MAN2C1: variants seen among roughly 807,000 people sequenced by gnomAD.
MAN2C1 encodes the protein alpha-mannosidase 2C1.
In MAN2C1, 111 loss-of-function variants were observed where a neutral mutation model predicts 126.9. The observed-to-expected ratio is 0.87, with a 90% CI of 0.75 to 1.02. The LOEUF (loss-of-function observed/expected upper bound fraction) is 1.02, where lower values mean the gene tolerates loss of function less well. Among genes scored for constraint, MAN2C1 ranks in the 50% least tolerant of loss-of-function variants. MAN2C1 has a pLI of 0.00. For missense variants in MAN2C1, 1,363 were observed against 1,364.4 expected (o/e 1.00, Z 0.02); for synonymous variants, 567 against 561.5 (o/e 1.01, Z -0.14).
intron 1 of MAN2C1, 122 bp downstream of exon 1, chr15:75,368,360 GC>G: frequency 7.2e-7 from 1 of 1,381,640 alleles, no homozygotes; most frequent in Non-Finnish European, 9.8e-7. Context: ...CCCGGCCCCT[GC>G]CCTGCCCGCG....
At chr15:75,359,799 AG>A in intron 15 of MAN2C1, 24 bp from the exon 16 acceptor site, 1 of 1,613,746 alleles carries the variant, frequency 6.2e-7, no homozygotes. Flanking sequence ...GGCTGGTCAT[AG>A]GTGGGCAACA....
Position 75,355,886 on chromosome 15 carries a change from A to C in MAN2C1, c.*20T>G. The C allele has an allele frequency of 6.2e-7, 1 of 1,612,992 alleles. No individual in the cohort carries two copies. Among genetic ancestry groups the C allele is most frequent in the Middle Eastern group, 1.7e-4 (1 of 6,056 alleles). On this transcript the variant is annotated 3_prime_UTR_variant, in exon 26 of 26. Transcript: ENST00000267978. ...GGAGTCCCCAGAGCCTTCTACAAAC[A>C]AAACCCCAGCCCCAGGGACTCAGTG...
Position 75,362,098 on chromosome 15 carries a change from G to C in MAN2C1, c.1009-151C>G, listed in dbSNP as rs571765190. ...CTCAGGAAGGGCCCCTGTCCTTCAG[G>C]CCTGACTGTCCATCTGCCTGAGGGG... On this transcript the variant is annotated intron_variant, in intron 8 of 25. Transcript: ENST00000267978. The surrounding 1 kb of genome is among the most constrained non-coding windows in gnomAD (Gnocchi z 4.5). 2 of 690,990 alleles carry C rather than the reference G, an allele frequency of 2.9e-6. No individual in the cohort carries two copies. The highest frequency in any genetic ancestry group is 3.5e-5 in the South Asian group (2 of 57,828). The allele number at this position is 690,990 out of a possible 1,614,324, so 42.8% of individuals were successfully genotyped here.
Position 75,367,587 on chromosome 15 carries a change from C to T in MAN2C1, c.275G>A (p.Trp92Ter), listed in dbSNP as rs1248652360. The change falls in exon 3 of 26, where the codon TGG becomes TAG. Residue 92 changes from tryptophan to a stop codon, truncating the protein, a stop_gained. Coordinates refer to ENST00000267978, the MANE Select transcript of MAN2C1 (RefSeq NM_006715.4). LOFTEE classifies it high-confidence loss of function. Reference protein sequence around the residue: ...FRVELTIPEAWVGQEVHLCWE... With the variant: ...FRVELTIPEA ...GCAAAGGTGAACTTCCTGGCCCACC[C>T]ATGCCTCTGGGATGGTCAGCTCCAC... is the stretch of plus-strand genomic sequence containing the variant. 6.2e-7 allele frequency: 1 copy of T among 1,614,196 alleles called. No individual in the cohort carries two copies. The highest frequency in any genetic ancestry group is 2.2e-5 in the East Asian group (1 of 44,890).
rs767667978 is a variant in MAN2C1 at position 75,356,689 on chromosome 15, G to A, written c.2658-4C>T. The A allele has an allele frequency of 1.2e-6, 2 of 1,601,298 alleles. No individual in the cohort carries two copies. Among genetic ancestry groups the A allele is most frequent in the Admixed American group, 1.7e-5 (1 of 57,584 alleles). On this transcript the variant is annotated splice_region_variant and splice_polypyrimidine_tract_variant and intron_variant, in intron 22 of 25. Coordinates refer to ENST00000267978, the MANE Select transcript of MAN2C1 (RefSeq NM_006715.4). The surrounding 1 kb of genome is among the most constrained non-coding windows in gnomAD (Gnocchi z 5.8). ...CGGGGCTTTAGGCGCCCGCAAGCTGGGGTGAGGAGGGCGCGTAGGGGCCAC... is the reference window on the plus strand; with the variant it reads ...CGGGGCTTTAGGCGCCCGCAAGCTGAGGTGAGGAGGGCGCGTAGGGGCCAC...
At position 75,358,241 on chromosome 15, in the gene MAN2C1, G is replaced by C. The variant is rs2072379448; in HGVS notation, c.2507C>G (p.Pro836Arg). 1.9e-6 allele frequency: 3 copies of C among 1,614,090 alleles called. No homozygotes were observed. In the African/African-American group the frequency reaches 4.0e-5, roughly 22 times the overall value. Residue 836 changes from proline to arginine, a missense_variant, in exon 21 of 26, where the codon CCT (proline) becomes CGT (arginine). Coordinates refer to ENST00000267978, the MANE Select transcript of MAN2C1 (RefSeq NM_006715.4). ...YEIQFGHLQR[P>R]THYNTSWDWA... ...GTCCCAAGAGGTATTGTAGTGGGTA[G>C]GTCGCTGCAGGTGCCCAAACTGGAT...
chr15:75,363,183 A>C (rs754704498), intron 6 of MAN2C1: 1 of 457,024 alleles, frequency 2.2e-6, no homozygotes. Context: ...TTCCTCCCTT[A>C]CCAGCCCAGA....
Position 75,367,527 on chromosome 15 carries a change from T to C in MAN2C1, c.335A>G (p.Asp112Gly), listed in dbSNP as rs766488988. ...ESDGEGLVWRDGEPVQGLTKE... is the reference protein window; with the variant it reads ...ESDGEGLVWRGGEPVQGLTKE... ...GTTCCTCACCTGGACAGGTTCTCCATCACGCCACACCAGACCTTCTCCATC... is the reference window on the plus strand; with the variant it reads ...GTTCCTCACCTGGACAGGTTCTCCACCACGCCACACCAGACCTTCTCCATC... Residue 112 changes from aspartate (D) to glycine (G), a missense_variant, in exon 3 of 26, where the codon GAT (aspartate) becomes GGT (glycine). Physicochemically the swap from Asp to Gly is moderately conservative, Grantham distance 94. Around this residue, in one of 3 missense-constraint regions of MAN2C1, gnomAD observed 628 missense variants for 609.8 expected, o/e 1.03. Transcript: ENST00000267978. 4 of 1,613,956 alleles carry C rather than the reference T, an allele frequency of 2.5e-6. No individual in the cohort carries two copies. The African/African-American group carries it at 5.3e-5, about 22-fold the overall frequency.
intron 21 of MAN2C1, 104 bp downstream of exon 21, chr15:75,358,097 A>G: frequency 7.2e-7 from 1 of 1,384,438 alleles, no homozygotes; most frequent in South Asian, 1.2e-5. Flanking sequence ...CACGTTAGGA[A>G]GCAGCAAATG....
At chr15:75,368,276 C>T (rs1236282148) in intron 1 of MAN2C1, 78 bp from the exon 2 acceptor site, 1 of 1,525,624 alleles carries the variant, frequency 6.6e-7, no homozygotes, top group Non-Finnish European at 8.8e-7. Flanking sequence ...GGTGGGGCCG[C>T]ACTTTCCCTG....
At position 75,358,827 on chromosome 15, in the gene MAN2C1, G is replaced by C; in HGVS notation, c.2142-19C>G. The C allele has an allele frequency of 6.3e-7, 1 of 1,595,564 alleles. No individual in the cohort carries two copies. The highest frequency in any genetic ancestry group is 8.6e-7 in the Non-Finnish European group (1 of 1,164,700). On this transcript the variant is annotated intron_variant, in intron 18 of 25. Transcript: ENST00000267978. Reference sequence around the variant, plus strand: ...GGCCTCCCTGGAAGGACATGGGATTGGTGCTGTACAACCAACTGACCTCGC... The same window carrying C: ...GGCCTCCCTGGAAGGACATGGGATTCGTGCTGTACAACCAACTGACCTCGC...
chr15:75,356,246 G>A lies in MAN2C1; in HGVS notation c.2887-27C>T. ...TGCAGAGGAACACGTCTGGTGGGAG[G>A]GGCCGAGGGCAGGCCCAGTTCGGAA... On this transcript the variant is annotated intron_variant, in intron 24 of 25. Coordinates refer to ENST00000267978, the MANE Select transcript of MAN2C1 (RefSeq NM_006715.4). The surrounding 1 kb of genome is among the most constrained non-coding windows in gnomAD (Gnocchi z 5.8). The A allele has an allele frequency of 6.2e-7, 1 of 1,612,376 alleles. No individual in the cohort carries two copies. The highest frequency in any genetic ancestry group is 8.5e-7 in the Non-Finnish European group (1 of 1,179,468).
chr15:75,368,196 A>C lies in MAN2C1; in HGVS notation c.104T>G (p.Leu35Arg). ...AGCCACAGGGCAGCTGGCCCCAAAA[A>C]GCCTGCGTGGGACGGGCCGGTGGGC... ...YFTDCNLRGR[L>R]FGASCPVAVL... The change falls in exon 2 of 26, where the codon CTT (leucine) becomes CGT (arginine). Residue 35 changes from leucine (L) to arginine (R), a missense_variant and splice_region_variant. Physicochemically the swap from Leu to Arg is moderately radical, Grantham distance 102. This residue lies in a region of MAN2C1 where 628 missense variants were observed against 609.8 expected (regional missense o/e 1.03). Transcript: ENST00000267978. The C allele has an allele frequency of 1.2e-6, 2 of 1,603,032 alleles. No individual in the cohort carries two copies. Among genetic ancestry groups the C allele is most frequent in the Non-Finnish European group, 1.7e-6 (2 of 1,176,988 alleles).
intron 2 of MAN2C1, 31 bp from the exon 3 acceptor site, chr15:75,367,665 G>A (rs1309226459): frequency 3.1e-6 from 5 of 1,613,278 alleles, no homozygotes; most frequent in Non-Finnish European, 4.2e-6. Context: ...TAGGCCTAGA[G>A]GTAGAAGTCC....
intron 13 of MAN2C1, 93 bp from the exon 14 acceptor site, chr15:75,360,304 C>CT: frequency 6.5e-7 from 1 of 1,528,984 alleles, no homozygotes; most frequent in Non-Finnish European, 8.8e-7. Context: ...CCTGAGGACT[C>CT]ACCAAGGGCC....
intron 4 of MAN2C1, 126 bp from the exon 5 acceptor site, chr15:75,364,791 A>T: frequency 8.2e-6 from 6 of 734,182 alleles, no homozygotes; most frequent in Non-Finnish European, 1.3e-5. Flanking sequence ...CACTACCCAG[A>T]GGATCCCACA....
rs148147908 is a variant in MAN2C1 at position 75,358,232 on chromosome 15, T to C, written c.2516A>G (p.Tyr839Cys). Residue 839 changes from tyrosine (Y) to cysteine (C), a missense_variant, in exon 21 of 26, where the codon TAC becomes TGC. This residue lies in a region of MAN2C1 where 668 missense variants were observed against 650.1 expected (regional missense o/e 1.03). Transcript: ENST00000267978. ...TCGAGCCCAGTCCCAAGAGGTATTG[T>C]AGTGGGTAGGTCGCTGCAGGTGCCC... is the stretch of plus-strand genomic sequence containing the variant. ...QFGHLQRPTH[Y>C]NTSWDWARFE... 1.6e-4 allele frequency: 251 copies of C among 1,614,040 alleles called. No homozygotes were observed. Among genetic ancestry groups the C allele is most frequent in the Non-Finnish European group, 2.0e-4 (239 of 1,180,044 alleles).
chr15:75,359,824 C>T (rs777580135), intron 15 of MAN2C1, 49 bp from the exon 16 acceptor site: 1 of 1,612,956 alleles, frequency 6.2e-7, no homozygotes, highest in South Asian at 1.1e-5. Flanking sequence ...CTGGAATGTG[C>T]CCATGGGTAT....
rs538858230 is a variant in MAN2C1 at position 75,360,860 on chromosome 15, TGGAGCC to T, written c.1461-178_1461-173del. 3.8e-3 allele frequency: 4,440 copies of T among 1,163,320 alleles called. 17 individuals are homozygous for T. Among genetic ancestry groups the T allele is most frequent in the Non-Finnish European group, 4.6e-3 (3,892 of 843,484 alleles). The allele number at this position is 1,163,320 out of a possible 1,614,324, so 72.1% of individuals were successfully genotyped here. ...AGGAGAGCCTCTCTCTCTGATGGGC[TGGAGCC>T]CTTACCAGCTTCAGCTTCTCCCCCA... On this transcript the variant is annotated intron_variant, in intron 12 of 25. Coordinates refer to ENST00000267978, the MANE Select transcript of MAN2C1 (RefSeq NM_006715.4).
Sources: gnomAD v4.1 joint callset for allele counts on GRCh38, gnomAD v4.1.1 for gene constraint, gnomAD v4.1.1 regional missense constraint, Gnocchi (gnomAD v3.1) non-coding constraint, MANE v1.5 for transcripts, NCBI Gene and HGNC (gene_info 2026-07-23, HGNC 2026-07-21) for gene names.